The following UGCG variants were observed in gnomAD, a reference collection of about 807,000 sequenced individuals.
UGCG encodes the protein UDP-glucose ceramide glucosyltransferase.
UGCG carries 10 observed loss-of-function variants against 49.5 expected under a neutral mutation model. That is an observed-to-expected ratio of 0.20 (90% CI 0.12 to 0.34). UGCG has a LOEUF of 0.34. Among genes scored for constraint, UGCG ranks in the 10% least tolerant of loss-of-function variants. UGCG has a pLI of 1.00. For synonymous variants in UGCG, 182 were observed against 158.2 expected, an observed-to-expected ratio of 1.15 and a Z score of -1.13; for missense variants, 312 against 483.7, an observed-to-expected ratio of 0.65 and a Z score of 3.33.
chr9:111,908,093 G>A (rs375835132), intron 1 of UGCG, among the ~76,000 whole-genome samples: 1 of 151,724 alleles, frequency 6.6e-6, no homozygotes, highest in Non-Finnish European at 1.5e-5. Context: ...TTGAAGGCTT[G>A]GGGGGTGGGT....
At chr9:111,908,354 A>G (rs546628279) in intron 1 of UGCG, among the ~76,000 whole-genome samples, 12 of 152,344 alleles carry the variant, frequency 7.9e-5, no homozygotes, top group Admixed American at 3.9e-4. Flanking sequence ...ATGGGATTCC[A>G]TTTATATAAA....
chr9:111,913,528 G>A (rs1030147018), intron 1 of UGCG, among the ~76,000 whole-genome samples: 20 of 151,994 alleles, frequency 1.3e-4, no homozygotes, highest in Non-Finnish European at 2.6e-4. Context: ...CCACCCCCGG[G>A]TTCAAGTGAT....
At chr9:111,929,169 C>A in intron 5 of UGCG, 1 of 216,126 alleles carries the variant, frequency 4.6e-6, no homozygotes, top group Non-Finnish European at 9.1e-6. Flanking sequence ...TATATTGATC[C>A]CAGTAAAGTA....
chr9:111,921,664 G>A (rs56360478), intron 2 of UGCG, among the ~76,000 whole-genome samples: 68,466 of 147,704 alleles, frequency 0.46, 17,027 homozygotes, highest in African/African-American at 0.65. Flanking sequence ...AAAAAAAAAA[G>A]TTGGGTTGTT....
chr9:111,914,513 T>C, intron 1 of UGCG, 92 bp from the exon 2 acceptor site: 1 of 1,296,488 alleles, frequency 7.7e-7, no homozygotes, highest in Non-Finnish European at 1.1e-6. Context: ...AATCTTAACT[T>C]AGAATTTAGG....
chr9:111,908,609 A>C (rs757022405), intron 1 of UGCG, among the ~76,000 whole-genome samples: 5 of 152,210 alleles, frequency 3.3e-5, no homozygotes, highest in Non-Finnish European at 7.4e-5. Context: ...CCCCAACAAA[A>C]AGGTCAAGGC....
chr9:111,926,711 T>C (rs1305036144), intron 5 of UGCG, among the ~76,000 whole-genome samples: 1 of 152,094 alleles, frequency 6.6e-6, no homozygotes, highest in Non-Finnish European at 1.5e-5. Context: ...TGAACAGCTG[T>C]GCGCAGGAAA....
intron 1 of UGCG, among the ~76,000 whole-genome samples, chr9:111,910,772 GTCTC>G (rs1050767036): frequency 3.3e-5 from 5 of 152,122 alleles, no homozygotes; most frequent in African/African-American, 1.2e-4. Context: ...GTGAGATGGA[GTCTC>G]TCTCTGTTGC....
chr9:111,899,655 T>C (rs1295495544), intron 1 of UGCG, among the ~76,000 whole-genome samples: 1 of 152,144 alleles, frequency 6.6e-6, no homozygotes, highest in Non-Finnish European at 1.5e-5. Flanking sequence ...ATTTTCTAAC[T>C]CTGTTATAAT....
intron 1 of UGCG, among the ~76,000 whole-genome samples, chr9:111,912,647 A>G (rs1838034283): frequency 6.6e-6 from 1 of 152,174 alleles, no homozygotes; most frequent in Non-Finnish European, 1.5e-5. Context: ...ATAAAAATAA[A>G]TTGCTGATCA....
chr9:111,925,504 C>A lies in UGCG; in HGVS notation c.445+626C>A, dbSNP rs550663012. Reference sequence around the variant, plus strand: ...TAGGATGTTTAGCAGCATGCCTGGTCTCTACCATGAGATGCCAGTAGTACC... The same window carrying A: ...TAGGATGTTTAGCAGCATGCCTGGTATCTACCATGAGATGCCAGTAGTACC... On this transcript the variant is annotated intron_variant, in intron 4 of 8. Coordinates refer to ENST00000374279, the MANE Select transcript of UGCG (RefSeq NM_003358.3). 5.3e-5 allele frequency among the ~76,000 whole-genome samples: 8 copies of A among 152,322 alleles called. No individual in the cohort carries two copies. The South Asian group carries it at 6.2e-4, about 12-fold the overall frequency.
intron 1 of UGCG, among the ~76,000 whole-genome samples, chr9:111,912,931 G>A (rs1023689559): frequency 6.6e-6 from 1 of 152,128 alleles, no homozygotes; most frequent in African/African-American, 2.4e-5. Context: ...GTGTAAAACT[G>A]TATGGCCTTA....
intron 6 of UGCG, among the ~76,000 whole-genome samples, chr9:111,930,631 C>G (rs1233757949): frequency 6.6e-6 from 1 of 152,092 alleles, no homozygotes; most frequent in Non-Finnish European, 1.5e-5. Context: ...CCACACTCAG[C>G]TACTTTTTTT....
chr9:111,897,566 C>T (rs1013146311), intron 1 of UGCG, among the ~76,000 whole-genome samples: 11 of 152,156 alleles, frequency 7.2e-5, no homozygotes, highest in Non-Finnish European at 1.3e-4. Flanking sequence ...AAGGAGACTG[C>T]TCTTACGTGT....
intron 2 of UGCG, among the ~76,000 whole-genome samples, chr9:111,919,747 A>T (rs1329817476): frequency 6.7e-6 from 1 of 150,302 alleles, no homozygotes; most frequent in Non-Finnish European, 1.5e-5. Flanking sequence ...GTGAGCTGAG[A>T]TAGCGCCACT....
At position 111,897,121 on chromosome 9, in the gene UGCG, G is replaced by GC; in HGVS notation, c.-90dup. The GC allele has an allele frequency of 2.9e-6, 2 of 680,566 alleles. No individual in the cohort carries two copies. The highest frequency in any genetic ancestry group is 4.0e-6 in the Non-Finnish European group (2 of 499,472). 42.2% of individuals were successfully genotyped at this position (680,566 alleles called of 1,614,324 possible). A position where few individuals can be genotyped will look rare whatever the true frequency, so the allele number is the denominator to read the frequency against. ...TCCCCACCTTCCTCTCGCCTCCCGC[G>GC]CCCCCGCACCGGGCGCCCACCCTGT... On this transcript the variant is annotated 5_prime_UTR_variant, in exon 1 of 9. Transcript: ENST00000374279.
intron 1 of UGCG, among the ~76,000 whole-genome samples, chr9:111,910,824 C>T (rs1182028114): frequency 1.3e-5 from 2 of 152,152 alleles, no homozygotes; most frequent in Non-Finnish European, 2.9e-5. Context: ...CTGCTCATTG[C>T]AGCCTCTGCC....
intron 1 of UGCG, among the ~76,000 whole-genome samples, chr9:111,911,946 A>G (rs1016209561): frequency 9.4e-5 from 4 of 42,780 alleles, no homozygotes; most frequent in Admixed American, 3.3e-4. Flanking sequence ...ATATATATAT[A>G]TATATATATA....
intron 1 of UGCG, among the ~76,000 whole-genome samples, chr9:111,904,324 C>G (rs1837834731): frequency 6.6e-6 from 1 of 152,186 alleles, no homozygotes; most frequent in Non-Finnish European, 1.5e-5. Flanking sequence ...AGTCTCAGGG[C>G]TCAGCTAAAC....
Sources: gnomAD v4.1 joint callset for allele counts (sites outside exome capture counted in the v4.1 genomes callset) on GRCh38, gnomAD v4.1.1 for gene constraint, MANE v1.5 for transcripts, NCBI Gene and HGNC (gene_info 2026-07-23, HGNC 2026-07-21) for gene names.